ALCAM: variants seen among roughly 807,000 people sequenced by gnomAD.
ALCAM encodes activated leukocyte cell adhesion molecule.
Under a neutral mutation model 70.9 loss-of-function variants are expected in ALCAM, and 30 were observed. That is an observed-to-expected ratio of 0.42 (90% CI 0.32 to 0.57). The LOEUF is 0.57. Among genes scored for constraint, ALCAM ranks in the 20% least tolerant of loss-of-function variants. The probability of loss-of-function intolerance (pLI) is 0.11; values close to 1 mark genes in which losing one functional copy is unlikely to be tolerated. For synonymous variants in ALCAM, 249 were observed against 242.5 expected (o/e 1.03, Z -0.25); for missense variants, 591 against 695.1 (o/e 0.85, Z 1.68).
intron 1 of ALCAM, among the ~76,000 whole-genome samples, chr3:105,502,843 T>C (rs1368041031): frequency 6.6e-6 from 1 of 152,212 alleles, no homozygotes; most frequent in African/African-American, 2.4e-5. Flanking sequence ...GTATCAGAGC[T>C]TTACATGAGG....
At chr3:105,383,495 AAAC>A (rs1021901438) in intron 1 of ALCAM, among the ~76,000 whole-genome samples, 2 of 151,862 alleles carry the variant, frequency 1.3e-5, no homozygotes, top group African/African-American at 4.8e-5. Context: ...AGCCTATTTT[AAAC>A]AACAACATAT....
intron 1 of ALCAM, among the ~76,000 whole-genome samples, chr3:105,480,764 A>T (rs1938249645): frequency 6.6e-6 from 1 of 152,170 alleles, no homozygotes; most frequent in South Asian, 2.1e-4. Flanking sequence ...ATTTATGTAA[A>T]ATTTCACATA....
chr3:105,412,585 A>G (rs1936417228), intron 1 of ALCAM, among the ~76,000 whole-genome samples: 1 of 152,114 alleles, frequency 6.6e-6, no homozygotes, highest in Admixed American at 6.6e-5. Flanking sequence ...TCAGAATCGG[A>G]ATGTTGAAAG....
At chr3:105,506,512 C>G (rs1021508706) in intron 1 of ALCAM, among the ~76,000 whole-genome samples, 1 of 152,168 alleles carries the variant, frequency 6.6e-6, no homozygotes, top group Non-Finnish European at 1.5e-5. Context: ...GATTCATAAA[C>G]TAAATACATG....
At chr3:105,417,433 A>G (rs1365133302) in intron 1 of ALCAM, among the ~76,000 whole-genome samples, 5 of 151,450 alleles carry the variant, frequency 3.3e-5, no homozygotes, top group Non-Finnish European at 5.9e-5. Flanking sequence ...GATGAAAAAT[A>G]GATATTTTGT....
At chr3:105,458,142 A>T (rs1412492502) in intron 1 of ALCAM, among the ~76,000 whole-genome samples, 1 of 152,028 alleles carries the variant, frequency 6.6e-6, no homozygotes, top group East Asian at 1.9e-4. Flanking sequence ...ACCTGCAACT[A>T]GGGGCCTCAC....
chr3:105,416,046 T>C (rs992242403), intron 1 of ALCAM, among the ~76,000 whole-genome samples: 3 of 152,030 alleles, frequency 2.0e-5, no homozygotes, highest in African/African-American at 7.2e-5. Context: ...GTCTTGCAAC[T>C]CTCTCCTTGT....
intron 1 of ALCAM, among the ~76,000 whole-genome samples, chr3:105,506,602 C>CT (rs1269885832): frequency 6.6e-6 from 1 of 151,910 alleles, no homozygotes. Flanking sequence ...GAACAGTGAA[C>CT]TTTTTTTTAA....
At chr3:105,473,287 A>G (rs1207189249) in intron 1 of ALCAM, among the ~76,000 whole-genome samples, 1 of 151,666 alleles carries the variant, frequency 6.6e-6, no homozygotes, top group East Asian at 1.9e-4. Context: ...TTTGGACCAC[A>G]ACAACATATA....
chr3:105,464,032 A>C (rs1937647058), intron 1 of ALCAM, among the ~76,000 whole-genome samples: 2 of 151,446 alleles, frequency 1.3e-5, no homozygotes, highest in Non-Finnish European at 3.0e-5. Flanking sequence ...AGTGACTATG[A>C]AATAACTGCT....
At chr3:105,534,567 GA>G (rs569184027) in intron 5 of ALCAM, 95 bp from the exon 6 acceptor site, 12 of 1,232,216 alleles carry the variant, frequency 9.7e-6, no homozygotes, top group East Asian at 7.1e-5. Flanking sequence ...CAGTTAGAAG[GA>G]AAAAAAACAC....
intron 1 of ALCAM, among the ~76,000 whole-genome samples, chr3:105,499,840 C>T (rs538923968): frequency 6.6e-6 from 1 of 152,220 alleles, no homozygotes; most frequent in Admixed American, 6.5e-5. Context: ...ATGGCTACCT[C>T]TTTCTTCTAC....
At chr3:105,524,188 T>C (rs1226880177) in intron 2 of ALCAM, 101 bp from the exon 3 acceptor site, 11 of 958,886 alleles carry the variant, frequency 1.1e-5, no homozygotes, top group Non-Finnish European at 1.7e-5. Flanking sequence ...ACAAAAAATA[T>C]AGATATTGGT....
In ALCAM at chr3:105,549,534, T is replaced by A. The variant is rs189420378; in HGVS notation, c.1375-593T>A. 1.2e-4 allele frequency among the ~76,000 whole-genome samples: 18 copies of A among 151,626 alleles called. No individual in the cohort carries two copies. In the East Asian group the frequency reaches 3.3e-3, roughly 28 times the overall value. Reference sequence around the variant, plus strand: ...TGAGATTAAAGTAAATTGTATTTTATATTTGAAGGAATTAAATGCAGTGAT... The same window carrying A: ...TGAGATTAAAGTAAATTGTATTTTAAATTTGAAGGAATTAAATGCAGTGAT... On this transcript the variant is annotated intron_variant, in intron 11 of 15. Coordinates refer to ENST00000306107, the MANE Select transcript of ALCAM (RefSeq NM_001627.4).
intron 1 of ALCAM, among the ~76,000 whole-genome samples, chr3:105,470,615 AAG>A (rs1184624658): frequency 1.3e-5 from 2 of 151,318 alleles, no homozygotes; most frequent in African/African-American, 4.8e-5. Flanking sequence ...ATTTGAAAGA[AAG>A]AGAAAAAGAG....
chr3:105,523,213 T>C (rs997984729), intron 2 of ALCAM, among the ~76,000 whole-genome samples: 12 of 125,508 alleles, frequency 9.6e-5, no homozygotes, highest in African/African-American at 3.6e-4. Flanking sequence ...GCTCAAAAAT[T>C]AGTAACTATT....
chr3:105,538,316 T>C (rs1259022865), intron 6 of ALCAM, among the ~76,000 whole-genome samples: 3 of 152,126 alleles, frequency 2.0e-5, no homozygotes, highest in Non-Finnish European at 2.9e-5. Flanking sequence ...GGTGACTGAA[T>C]GGATAAGAGA....
At chr3:105,542,124 A>C (rs1334469847) in intron 8 of ALCAM, among the ~76,000 whole-genome samples, 2 of 151,854 alleles carry the variant, frequency 1.3e-5, no homozygotes, top group African/African-American at 4.8e-5. Context: ...TTTGCAGTTG[A>C]CCCAGCATTA....
intron 1 of ALCAM, among the ~76,000 whole-genome samples, chr3:105,406,817 C>T (rs1936246788): frequency 6.6e-6 from 1 of 150,720 alleles, no homozygotes; most frequent in African/African-American, 2.4e-5. Flanking sequence ...GCAAGATTAA[C>T]CAAGAAAAGG....
Sources: allele counts gnomAD v4.1 joint callset (sites outside exome capture counted in the v4.1 genomes callset), GRCh38; gene constraint gnomAD v4.1.1; transcripts MANE v1.5; gene names NCBI Gene and HGNC (gene_info 2026-07-23, HGNC 2026-07-21).